Variants in SP3 observed in about 807,000 individuals in gnomAD.
SP3 encodes the protein Sp3 transcription factor.
Under a neutral mutation model 70.3 loss-of-function variants are expected in SP3, and 10 were observed. The ratio of observed to expected loss-of-function variants is 0.14; its 90% CI spans 0.09 to 0.24. The LOEUF (loss-of-function observed/expected upper bound fraction) is 0.24. Ranked by LOEUF, SP3 falls within the 10% of genes least tolerant of loss-of-function variation. The pLI is 1.00. For missense variants in SP3, 825 were observed against 914.6 expected (o/e 0.90, Z 1.26); for synonymous variants, 402 against 333.5 (o/e 1.21, Z -2.24).
chr2:173,922,607 C>G (rs956027708), intron 4 of SP3, among the ~76,000 whole-genome samples: 1 of 151,742 alleles, frequency 6.6e-6, no homozygotes, highest in Non-Finnish European at 1.5e-5. Context: ...TAAAAAGAAC[C>G]AGCATAGGGG....
At chr2:173,964,651 G>T in intron 1 of SP3, 98 bp from the exon 2 acceptor site, 2 of 494,526 alleles carry the variant, frequency 4.0e-6, no homozygotes, top group South Asian at 4.2e-5. Context: ...CCAAAGCCCG[G>T]ACCCAGGCCC....
chr2:173,958,582 GAAAA>G (rs60433945), intron 3 of SP3, among the ~76,000 whole-genome samples: 1 of 134,086 alleles, frequency 7.5e-6, no homozygotes, highest in African/African-American at 2.7e-5. Flanking sequence ...AACGATGGGG[GAAAA>G]AAAAAAAAAG....
Position 173,913,279 on chromosome 2 carries a change from C to T in SP3, c.1833-13G>A. 6.4e-7 allele frequency: 1 copy of T among 1,563,806 alleles called. No individual in the cohort carries two copies. Among genetic ancestry groups the T allele is most frequent in the Non-Finnish European group, 8.7e-7 (1 of 1,148,972 alleles). On this transcript the variant is annotated splice_polypyrimidine_tract_variant and intron_variant, in intron 5 of 6. Transcript: ENST00000310015. The stretch of plus-strand genomic sequence containing the variant: ...AAGATTGGTACCTCTAAAAAACACA[C>T]ATAGAATAATATATACTTATATGAA...
At position 173,964,466 on chromosome 2, in the gene SP3, T is replaced by C; in HGVS notation, c.95A>G (p.Glu32Gly). The change falls in exon 2 of 7, where the codon GAG becomes GGG. Residue 32 changes from glutamate (E) to glycine (G), a missense_variant. Physicochemically the swap from Glu to Gly is moderately conservative, Grantham distance 98. Around this residue, in one of 4 missense-constraint regions of SP3, gnomAD observed 678 missense variants for 651.6 expected, o/e 1.04. Coordinates refer to ENST00000310015, the MANE Select transcript of SP3 (RefSeq NM_003111.5). ...GTGCTGTTGCTGCTGCTGCAGATAC[T>C]CGCCGTGGCCGCCGCCGCCGCCACC... ...GGGGGGGGHGEYLQQQQQHGN... is the reference protein window; with the variant it reads ...GGGGGGGGHGGYLQQQQQHGN... The C allele has an allele frequency of 1.4e-6, 1 of 708,490 alleles. No homozygotes were observed. The highest frequency in any genetic ancestry group is 2.6e-6 in the Non-Finnish European group (1 of 384,406). The allele number at this position is 708,490 out of a possible 1,614,324, so 43.9% of individuals were successfully genotyped here.
At chr2:173,954,112 A>G (rs1249720032) in intron 4 of SP3, among the ~76,000 whole-genome samples, 1 of 152,260 alleles carries the variant, frequency 6.6e-6, no homozygotes, top group African/African-American at 2.4e-5. Context: ...TTAAAGTAAT[A>G]AAGTTCAGGA....
intron 4 of SP3, among the ~76,000 whole-genome samples, chr2:173,936,796 CTTACCT>C (rs930077329): frequency 2.0e-5 from 3 of 146,970 alleles, no homozygotes; most frequent in Admixed American, 6.7e-5. Flanking sequence ...TGCCTCTATT[CTTACCT>C]TTTTTTTTTT....
At chr2:173,934,624 G>C (rs192664037) in intron 4 of SP3, among the ~76,000 whole-genome samples, 2 of 151,974 alleles carry the variant, frequency 1.3e-5, no homozygotes, top group Non-Finnish European at 2.9e-5. Context: ...CGGCACTTCA[G>C]GAGGGAGACA....
chr2:173,901,086 G>C lies in SP3; in HGVS notation c.*8855C>G, dbSNP rs977760171. ...AATAACAGAGAGGGCATTATAATCA[G>C]CAGGGAAACGTTGGACCATTCAATA... On this transcript the variant is annotated 3_prime_UTR_variant, in exon 7 of 7. Transcript: ENST00000310015. Among the ~76,000 whole-genome samples the C allele has an allele frequency of 1.3e-5, 2 of 152,164 alleles. No homozygotes were observed. The highest frequency in any genetic ancestry group is 4.8e-5 in the African/African-American group (2 of 41,428).
At chr2:173,912,146 T>C (rs1401640542) in intron 6 of SP3, among the ~76,000 whole-genome samples, 1 of 152,232 alleles carries the variant, frequency 6.6e-6, no homozygotes, top group Non-Finnish European at 1.5e-5. Flanking sequence ...AATTGTCTGT[T>C]GCAGTTTCAT....
Position 173,908,927 on chromosome 2 carries a change from T to C in SP3, c.*1014A>G, listed in dbSNP as rs1689400966. 1 of 152,188 alleles carries C rather than the reference T, an allele frequency of 6.6e-6. No individual in the cohort carries two copies. Among genetic ancestry groups the C allele is most frequent in the African/African-American group, 2.4e-5 (1 of 41,360 alleles). The allele number at this position is 152,188 out of a possible 1,614,324, so 9.4% of individuals were successfully genotyped here. On this transcript the variant is annotated 3_prime_UTR_variant, in exon 7 of 7. Coordinates refer to ENST00000310015, the MANE Select transcript of SP3 (RefSeq NM_003111.5). Reference sequence around the variant, plus strand: ...TACCTAGACAAAAAAAAAAAAGACTTAAAAAAATATCATAAAACCTCTAGT... The same window carrying C: ...TACCTAGACAAAAAAAAAAAAGACTCAAAAAAATATCATAAAACCTCTAGT...
intron 4 of SP3, among the ~76,000 whole-genome samples, chr2:173,934,584 CAA>C (rs1423092137): frequency 6.6e-6 from 1 of 151,956 alleles, no homozygotes; most frequent in Non-Finnish European, 1.5e-5. Flanking sequence ...AACACTGTAA[CAA>C]AAAAGTCAAT....
intron 5 of SP3, among the ~76,000 whole-genome samples, chr2:173,916,994 A>C (rs996268328): frequency 1.1e-4 from 16 of 152,122 alleles, no homozygotes; most frequent in African/African-American, 3.1e-4. Context: ...GAATAAGATG[A>C]TTCTACTTTA....
rs557016437 is a variant in SP3 at position 173,901,009 on chromosome 2, G to C, written c.*8932C>G. ...ACAGTCAAAACCATTTTGAAATACA[G>C]AGAAGGGTGGGCAGAGGAGACTTCC... On this transcript the variant is annotated 3_prime_UTR_variant, in exon 7 of 7. Transcript: ENST00000310015. 6.6e-6 allele frequency among the ~76,000 whole-genome samples: 1 copy of C among 152,314 alleles called. No homozygotes were observed. Among genetic ancestry groups the C allele is most frequent in the African/African-American group, 2.4e-5 (1 of 41,568 alleles).
chr2:173,935,749 G>A (rs1690190601), intron 4 of SP3, among the ~76,000 whole-genome samples: 1 of 152,078 alleles, frequency 6.6e-6, no homozygotes, highest in African/African-American at 2.4e-5. Flanking sequence ...ATCTCTACTA[G>A]CAACAATTAT....
chr2:173,950,172 A>G (rs549787675), intron 4 of SP3, among the ~76,000 whole-genome samples: 1 of 152,116 alleles, frequency 6.6e-6, no homozygotes, highest in African/African-American at 2.4e-5. Flanking sequence ...CTTCTAAAGG[A>G]TAAGGAGTAG....
At chr2:173,962,688 G>A (rs1157793023) in intron 3 of SP3, among the ~76,000 whole-genome samples, 4 of 151,518 alleles carry the variant, frequency 2.6e-5, no homozygotes, top group Admixed American at 2.0e-4. Flanking sequence ...ATTTGTTGTA[G>A]ACTATACCAA....
intron 4 of SP3, among the ~76,000 whole-genome samples, chr2:173,922,844 T>C (rs1689795891): frequency 1.3e-5 from 2 of 152,144 alleles, no homozygotes; most frequent in African/African-American, 4.8e-5. Flanking sequence ...GGAGATGAAT[T>C]GTAAACAAGT....
Position 173,963,745 on chromosome 2 carries a change from C to G in SP3, c.279+16G>C. The G allele has an allele frequency of 9.8e-7, 1 of 1,022,594 alleles. No homozygotes were observed. The highest frequency in any genetic ancestry group is 1.2e-6 in the Non-Finnish European group (1 of 843,730). The allele number at this position is 1,022,594 out of a possible 1,614,324, so 63.3% of individuals were successfully genotyped here. A position where few individuals can be genotyped will look rare whatever the true frequency, so the allele number is the denominator to read the frequency against. On this transcript the variant is annotated intron_variant, in intron 3 of 6. Coordinates refer to ENST00000310015, the MANE Select transcript of SP3 (RefSeq NM_003111.5). Reference sequence around the variant, plus strand: ...GCGCCCGGCCTCGGCGGGGGCGGGCCGCGCGCGGGACTTACCGCTCCGGCG... The same window carrying G: ...GCGCCCGGCCTCGGCGGGGGCGGGCGGCGCGCGGGACTTACCGCTCCGGCG...
chr2:173,953,726 C>T (rs1458645507), intron 4 of SP3, among the ~76,000 whole-genome samples: 1 of 151,688 alleles, frequency 6.6e-6, no homozygotes, highest in Non-Finnish European at 1.5e-5. Context: ...CAAGATCACA[C>T]CACTGCACTC....
Sources: gnomAD v4.1 joint callset for allele counts (sites outside exome capture counted in the v4.1 genomes callset) on GRCh38, gnomAD v4.1.1 for gene constraint, gnomAD v4.1.1 regional missense constraint, MANE v1.5 for transcripts, NCBI Gene and HGNC (gene_info 2026-07-23, HGNC 2026-07-21) for gene names.